The following FRK variants were observed in gnomAD, a reference collection of about 807,000 sequenced individuals.
FRK encodes the protein tyrosine-protein kinase FRK.
A neutral mutation model predicts 56.4 loss-of-function variants in FRK; 51 were observed. The ratio of observed to expected loss-of-function variants is 0.90; its 90% CI spans 0.72 to 1.14. The LOEUF (loss-of-function observed/expected upper bound fraction) is 1.14, where lower values mean the gene tolerates loss of function less well. Ranked by LOEUF, FRK falls within the 50% of genes most tolerant of loss-of-function variation. The probability of loss-of-function intolerance (pLI) is 0.00; values close to 1 mark genes in which losing one functional copy is unlikely to be tolerated. For missense variants in FRK, 570 were observed against 601.4 expected, an observed-to-expected ratio of 0.95 and a Z score of 0.55; for synonymous variants, 245 against 217.9, an observed-to-expected ratio of 1.12 and a Z score of -1.10.
At chr6:116,021,137 A>G in intron 1 of FRK, among the ~76,000 whole-genome samples, 1 of 152,040 alleles carries the variant, frequency 6.6e-6, no homozygotes, top group South Asian at 2.1e-4. Context: ...TTTTAAAAAT[A>G]TATTGAAAAA....
chr6:115,960,192 C>T (rs867261627), intron 4 of FRK, among the ~76,000 whole-genome samples: 7 of 150,630 alleles, frequency 4.6e-5, no homozygotes, highest in African/African-American at 1.5e-4. Context: ...GTGCGCGCAC[C>T]GTGCGCGAGC....
At chr6:115,959,507 A>G (rs1773241340) in intron 4 of FRK, among the ~76,000 whole-genome samples, 1 of 152,322 alleles carries the variant, frequency 6.6e-6, no homozygotes, top group Admixed American at 6.5e-5. Context: ...GATTGTGAAA[A>G]TCTCAGGTGC....
chr6:116,033,014 C>T (rs1189333509), intron 1 of FRK, among the ~76,000 whole-genome samples: 4 of 152,018 alleles, frequency 2.6e-5, no homozygotes, highest in African/African-American at 9.7e-5. Flanking sequence ...TTATTAATAA[C>T]GTAGCCTTTT....
intron 5 of FRK, among the ~76,000 whole-genome samples, chr6:115,952,769 G>A (rs1208716738): frequency 6.6e-6 from 1 of 152,008 alleles, no homozygotes; most frequent in Non-Finnish European, 1.5e-5. Context: ...CATGTCCTTT[G>A]CAGGGACATG....
At chr6:116,031,002 T>C (rs1462445132) in intron 1 of FRK, among the ~76,000 whole-genome samples, 4 of 152,248 alleles carry the variant, frequency 2.6e-5, no homozygotes, top group Non-Finnish European at 5.9e-5. Flanking sequence ...ATTCATTGTT[T>C]GGCTCAGTAA....
chr6:116,034,837 T>G (rs1424816304), intron 1 of FRK, among the ~76,000 whole-genome samples: 1 of 152,138 alleles, frequency 6.6e-6, no homozygotes, highest in East Asian at 1.9e-4. Flanking sequence ...TTAAGAGTAT[T>G]TCATGTATTT....
In FRK at chr6:115,938,010, T is replaced by A. The variant is rs1309390830; in HGVS notation, c.*4404A>T. 6 of 152,282 alleles carry A rather than the reference T, an allele frequency of 3.9e-5. No homozygotes were observed. The East Asian group carries it at 1.2e-3, about 29-fold the overall frequency. The allele number at this position is 152,282 out of a possible 1,614,324, so 9.4% of individuals were successfully genotyped here. On this transcript the variant is annotated 3_prime_UTR_variant, in exon 8 of 8. Transcript: ENST00000606080. ...CATCTACAGAATTCTCTACCCCAAA[T>A]CAACAGAATATACATTCTTCTCAGC...
the FRK span, among the ~76,000 whole-genome samples, chr6:116,080,892 A>G: frequency 1.3e-5 from 2 of 152,208 alleles, no homozygotes; most frequent in Admixed American, 6.5e-5. Flanking sequence ...ATGTTGTATT[A>G]GTCTGTTCTC....
intron 1 of FRK, 111 bp from the exon 2 acceptor site, chr6:116,004,109 G>A (rs1030175552): frequency 2.1e-6 from 2 of 939,214 alleles, no homozygotes; most frequent in African/African-American, 3.3e-5. Flanking sequence ...GTATTCTTTA[G>A]TAAAACTATT....
At chr6:115,983,643 C>T (rs1463755227) in intron 2 of FRK, among the ~76,000 whole-genome samples, 1 of 152,162 alleles carries the variant, frequency 6.6e-6, no homozygotes, top group Non-Finnish European at 1.5e-5. Flanking sequence ...TATTCTGAAA[C>T]CCAGACATGA....
intron 1 of FRK, among the ~76,000 whole-genome samples, chr6:116,022,330 G>A (rs538270316): frequency 6.6e-6 from 1 of 151,994 alleles, no homozygotes; most frequent in Non-Finnish European, 1.5e-5. Flanking sequence ...ATGACACAAA[G>A]TTACCCTGAT....
Position 115,944,373 on chromosome 6 carries a change from C to G in FRK, c.1011G>C (p.Gln337His). The change falls in exon 6 of 8, where the codon CAG becomes CAC. Residue 337 changes from glutamine to histidine, a missense_variant. Transcript: ENST00000606080. Reference protein sequence around the residue: ...HLTQQVDMAAQVASGMAYLES... With the variant: ...HLTQQVDMAAHVASGMAYLES... ...CCAGATAGGCCATTCCAGAGGCAAC[C>G]TGTGCCGCCATGTCTACCTGTTGAG... 1 of 1,612,736 alleles carries G rather than the reference C, an allele frequency of 6.2e-7. No individual in the cohort carries two copies. Among genetic ancestry groups the G allele is most frequent in the Non-Finnish European group, 8.5e-7 (1 of 1,179,514 alleles).
chr6:115,967,759 A>AAG, intron 3 of FRK, 40 bp from the exon 4 acceptor site: 1 of 1,454,882 alleles, frequency 6.9e-7, no homozygotes, highest in East Asian at 2.4e-5. Flanking sequence ...TAAAAAAAAA[A>AAG]AAGTAGATTT....
At chr6:115,944,498 T>G in intron 5 of FRK, 73 bp from the exon 6 acceptor site, 1 of 1,198,770 alleles carries the variant, frequency 8.3e-7, no homozygotes, top group Non-Finnish European at 1.2e-6. Flanking sequence ...TCTGAGAATT[T>G]TGAATGTATG....
At chr6:115,981,124 A>G (rs1280845290) in intron 2 of FRK, among the ~76,000 whole-genome samples, 3 of 152,298 alleles carry the variant, frequency 2.0e-5, no homozygotes, top group East Asian at 3.9e-4. Flanking sequence ...CTGCCCAACA[A>G]TAAAATAGGC....
intron 1 of FRK, among the ~76,000 whole-genome samples, chr6:116,037,481 G>A (rs367596219): frequency 6.6e-6 from 1 of 152,144 alleles, no homozygotes; most frequent in Non-Finnish European, 1.5e-5. Context: ...AAAAGCTCCA[G>A]GGACTTTAAA....
At position 115,943,039 on chromosome 6, in the gene FRK, A is replaced by C; in HGVS notation, c.1287T>G (p.Tyr429Ter). ...ACTCACCACTGTAAGGCATTTTGCC[A>C]TAAGTAATGATTTCATAAAGAAGGA... The part of the protein sequence containing the change: ...FGILLYEIIT[Y>*]GKMPYSGMTG... Residue 429 changes from tyrosine (Y) to a stop codon, truncating the protein, a stop_gained, in exon 7 of 8, where the codon TAT (tyrosine) becomes TAG (stop). Coordinates refer to ENST00000606080, the MANE Select transcript of FRK (RefSeq NM_002031.3). LOFTEE classifies it high-confidence loss of function. 2 of 1,612,210 alleles carry C rather than the reference A, an allele frequency of 1.2e-6. No individual in the cohort carries two copies. The highest frequency in any genetic ancestry group is 4.5e-5 in the East Asian group (2 of 44,864).
chr6:115,988,902 G>A (rs1044685971), intron 2 of FRK, among the ~76,000 whole-genome samples: 1 of 151,944 alleles, frequency 6.6e-6, no homozygotes, highest in African/African-American at 2.4e-5. Context: ...CTCAAGCCCA[G>A]TGAAAAGAAA....
chr6:115,967,109 T>C (rs933636946), intron 4 of FRK, among the ~76,000 whole-genome samples: 2 of 152,228 alleles, frequency 1.3e-5, no homozygotes, highest in African/African-American at 2.4e-5. Flanking sequence ...TCCTACATTT[T>C]CAAATACAAG....
Sources: gnomAD v4.1 joint callset for allele counts (sites outside exome capture counted in the v4.1 genomes callset) on GRCh38, gnomAD v4.1.1 for gene constraint, MANE v1.5 for transcripts, NCBI Gene and HGNC (gene_info 2026-07-23, HGNC 2026-07-21) for gene names.